The following RACGAP1 variants were observed in gnomAD, a reference collection of about 807,000 sequenced individuals.
The protein encoded by RACGAP1 is Rac GTPase activating protein 1.
Under a neutral mutation model 78.1 loss-of-function variants are expected in RACGAP1, and 30 were observed. The observed-to-expected ratio is 0.38, with a 90% CI of 0.29 to 0.52. The LOEUF (loss-of-function observed/expected upper bound fraction) is 0.52, where lower values mean the gene tolerates loss of function less well. RACGAP1 is among the 20% of genes least tolerant of loss of function. The pLI, the probability that RACGAP1 is intolerant of heterozygous loss-of-function variation, is 0.82. For missense variants in RACGAP1, 587 were observed against 777.1 expected (o/e 0.76, Z 2.91); for synonymous variants, 231 against 264.8 (o/e 0.87, Z 1.24).
intron 2 of RACGAP1, among the ~76,000 whole-genome samples, chr12:50,008,285 G>C (rs1264422300): frequency 6.8e-6 from 1 of 146,522 alleles, no homozygotes; most frequent in Non-Finnish European, 1.5e-5. Flanking sequence ...TGCAATCTCC[G>C]CCTCCCAGGT....
Position 49,997,154 on chromosome 12 carries a change from G to A in RACGAP1, c.930C>T (p.Gly310=). 1.2e-6 allele frequency: 2 copies of A among 1,609,326 alleles called. No homozygotes were observed. The highest frequency in any genetic ancestry group is 1.7e-6 in the Non-Finnish European group (2 of 1,176,558). ...AGTCTCGACACTTCAGAGATAATTTGCCAAATTTTATCCGCTTTCCACATG... is the reference window on the plus strand; with the variant it reads ...AGTCTCGACACTTCAGAGATAATTTACCAAATTTTATCCGCTTTCCACATG... ...CVPCGKRIKF[G]KLSLKCRDCR... is the part of the protein sequence containing the mutation. The change falls in exon 10 of 17, where the codon GGC becomes GGT. Residue 310 remains glycine, a synonymous_variant. Coordinates refer to ENST00000312377, the MANE Select transcript of RACGAP1 (RefSeq NM_001319999.2).
chr12:50,016,827 A>G, intron 1 of RACGAP1, 108 bp from the exon 2 acceptor site: 1 of 1,401,758 alleles, frequency 7.1e-7, no homozygotes, highest in Non-Finnish European at 9.6e-7. Flanking sequence ...TTCCATTTAT[A>G]ACTACCATTA....
chr12:49,991,880 T>C lies in RACGAP1; in HGVS notation c.1714+118A>G, dbSNP rs7136233. ...AAAAAAAATTACGATGGTAGAATTA[T>C]ACAAATTTTCCTTTAATGTTAGAAT... On this transcript the variant is annotated intron_variant, in intron 15 of 16. Transcript: ENST00000312377. The C allele has an allele frequency of 0.18, 272,844 of 1,539,136 alleles. 25,468 individuals carry two copies. Among genetic ancestry groups the C allele is most frequent in the Non-Finnish European group, 0.19 (221,677 of 1,158,870 alleles).
chr12:50,016,560 C>G (rs1949692654), intron 2 of RACGAP1, 71 bp downstream of exon 2: 1 of 1,467,360 alleles, frequency 6.8e-7, no homozygotes, highest in Admixed American at 1.7e-5. Flanking sequence ...TTGGAAAATA[C>G]TTCAGCTTTG....
chr12:50,023,528 G>T (rs1427830407), intron 1 of RACGAP1, among the ~76,000 whole-genome samples: 1 of 152,176 alleles, frequency 6.6e-6, no homozygotes, highest in Non-Finnish European at 1.5e-5. Context: ...GAGGCCAGAA[G>T]TTCAAGACCA....
chr12:50,025,513 G>A (rs1282427159), upstream of RACGAP1: 1 of 985,408 alleles, frequency 1.0e-6, no homozygotes, highest in African/African-American at 1.7e-5. Context: ...ACCAATCACA[G>A]AGAAATTTAT....
intron 4 of RACGAP1, among the ~76,000 whole-genome samples, chr12:50,005,042 A>G (rs1253253325): frequency 6.6e-6 from 1 of 152,248 alleles, no homozygotes; most frequent in African/African-American, 2.4e-5. Flanking sequence ...TCCATGGTGA[A>G]ACAACATCCT....
At chr12:49,995,625 A>G (rs551690259) in intron 10 of RACGAP1, among the ~76,000 whole-genome samples, 2 of 151,946 alleles carry the variant, frequency 1.3e-5, no homozygotes, top group Non-Finnish European at 2.9e-5. Context: ...CTGAGGAGCT[A>G]CAAACACAGG....
At chr12:50,012,733 T>C (rs1949425781) in intron 2 of RACGAP1, among the ~76,000 whole-genome samples, 1 of 151,278 alleles carries the variant, frequency 6.6e-6, no homozygotes, top group Non-Finnish European at 1.5e-5. Context: ...CACTCCAGCC[T>C]GGGCAACAGA....
chr12:49,996,627 C>CCAAAAAAAAAAAAAAA (rs1948285121), intron 10 of RACGAP1, among the ~76,000 whole-genome samples: 1 of 6,394 alleles, frequency 1.6e-4, no homozygotes, highest in African/African-American at 3.6e-4. Context: ...GGCAATAGAG[C>CCAAAAAAAAAAAAAAA]TAAAAAAAAA....
In RACGAP1 at chr12:49,992,054, A is replaced by G. The variant is rs917742615; in HGVS notation, c.1658T>C (p.Leu553Pro). The G allele has an allele frequency of 6.2e-7, 1 of 1,613,978 alleles. No homozygotes were observed. Among genetic ancestry groups the G allele is most frequent in the Non-Finnish European group, 8.5e-7 (1 of 1,179,990 alleles). ...MMVEQENIDPLHVIENSNAFS... is the reference protein window; with the variant it reads ...MMVEQENIDPPHVIENSNAFS... ...GGCATTTGAGTTTTCAATGACATGT[A>G]GGGGGTCAATGTTCTCTTGCTCCAC... The change falls in exon 15 of 17, where the codon CTA becomes CCA. Residue 553 changes from leucine to proline, a missense_variant. Coordinates refer to ENST00000312377, the MANE Select transcript of RACGAP1 (RefSeq NM_001319999.2).
intron 1 of RACGAP1, among the ~76,000 whole-genome samples, chr12:50,023,012 A>G (rs1950089514): frequency 6.6e-6 from 1 of 152,156 alleles, no homozygotes; most frequent in Non-Finnish European, 1.5e-5. Flanking sequence ...ATACTTACAT[A>G]TTTATTCAGT....
chr12:49,992,569 G>T lies in RACGAP1; in HGVS notation c.1426C>A (p.Leu476Ile), dbSNP rs753379878. 8 of 1,613,816 alleles carry T rather than the reference G, an allele frequency of 5.0e-6. No homozygotes were observed. In the East Asian group the frequency reaches 1.8e-4, roughly 36 times the overall value. Reference protein sequence around the residue: ...PQANRDTLAFLMIHLQRVAQS... With the variant: ...PQANRDTLAFIMIHLQRVAQS... ...ACTCACCTCTGCAAGTGAATCATGA[G>T]GAAAGCTAATGTGTCCCTGTTGGCC... The change falls in exon 13 of 17, where the codon CTC (leucine) becomes ATC (isoleucine). Residue 476 changes from leucine to isoleucine, a missense_variant. Physicochemically the swap from Leu to Ile is conservative, Grantham distance 5 (BLOSUM62 2). Coordinates refer to ENST00000312377, the MANE Select transcript of RACGAP1 (RefSeq NM_001319999.2).
chr12:50,004,848 G>A (rs115368005), intron 4 of RACGAP1, among the ~76,000 whole-genome samples: 44 of 152,324 alleles, frequency 2.9e-4, no homozygotes, highest in African/African-American at 9.6e-4. Flanking sequence ...CAGTGGTGCA[G>A]TGGAACCAAA....
intron 15 of RACGAP1, among the ~76,000 whole-genome samples, chr12:49,991,479 A>ATATATATATATATATATATATTT (rs1555169074): frequency 4.2e-5 from 1 of 24,094 alleles, no homozygotes; most frequent in Non-Finnish European, 8.4e-5. Context: ...ATATATATAT[A>ATATATATATATATATATATATTT]TTTTTTTTTT....
chr12:50,015,839 T>G (rs12313483), intron 2 of RACGAP1, among the ~76,000 whole-genome samples: 1 of 138,518 alleles, frequency 7.2e-6, no homozygotes, highest in African/African-American at 3.3e-5. Context: ...TAAAAAAAAA[T>G]TTTTTTTAAA....
Position 50,015,398 on chromosome 12 carries a change from G to C in RACGAP1, c.85+1233C>G, listed in dbSNP as rs138663290. On this transcript the variant is annotated intron_variant, in intron 2 of 16. Transcript: ENST00000312377. The stretch of plus-strand genomic sequence containing the variant: ...CAAAAAGAAATTATGGACTGGGCCT[G>C]GTGGCTCATGCCTATAATCTCATCA... 2.2e-4 allele frequency among the ~76,000 whole-genome samples: 33 copies of C among 152,256 alleles called. No individual in the cohort carries two copies. In the East Asian group the frequency reaches 6.4e-3, roughly 29 times the overall value.
At chr12:50,030,739 C>A (rs1004292633) in intron 2 of RACGAP1, among the ~76,000 whole-genome samples, 1 of 151,986 alleles carries the variant, frequency 6.6e-6, no homozygotes, top group African/African-American at 2.4e-5. Flanking sequence ...TACTTCAAAA[C>A]ATCATGTTGT....
intron 2 of RACGAP1, among the ~76,000 whole-genome samples, chr12:50,007,229 G>C (rs985894116): frequency 6.6e-6 from 1 of 150,722 alleles, no homozygotes; most frequent in South Asian, 2.1e-4. Context: ...TGAAGGGTAT[G>C]TAAACATTCC....
Sources: gnomAD v4.1 joint callset for allele counts (sites outside exome capture counted in the v4.1 genomes callset) on GRCh38, gnomAD v4.1.1 for gene constraint, MANE v1.5 for transcripts, NCBI Gene and HGNC (gene_info 2026-07-23, HGNC 2026-07-21) for gene names.